Variants in PKNOX2 observed in about 807,000 individuals in gnomAD.
PKNOX2 encodes the protein PBX/knotted 1 homeobox 2.
A neutral mutation model predicts 53.1 loss-of-function variants in PKNOX2; 14 were observed. The ratio of observed to expected loss-of-function variants is 0.26; its 90% CI spans 0.17 to 0.41. The LOEUF (loss-of-function observed/expected upper bound fraction) is 0.41. Among genes scored for constraint, PKNOX2 ranks in the 10% least tolerant of loss-of-function variants. PKNOX2 has a pLI of 1.00. For missense variants in PKNOX2, 496 were observed against 602.8 expected (o/e 0.82, Z 1.85); for synonymous variants, 257 against 242.8 (o/e 1.06, Z -0.54).
chr11:125,191,629 G>A (rs1461969691), intron 1 of PKNOX2, among the ~76,000 whole-genome samples: 2 of 152,180 alleles, frequency 1.3e-5, no homozygotes, highest in African/African-American at 4.8e-5. Flanking sequence ...TCCACTGTTG[G>A]GAAGTTGTGG....
At chr11:125,417,125 C>T (rs1192210381) in intron 10 of PKNOX2, among the ~76,000 whole-genome samples, 4 of 152,034 alleles carry the variant, frequency 2.6e-5, no homozygotes, top group Non-Finnish European at 4.4e-5. Context: ...AGACTCAGGT[C>T]GGCCGAGAGC....
chr11:125,283,379 C>T (rs1946700261), intron 2 of PKNOX2, among the ~76,000 whole-genome samples: 1 of 152,166 alleles, frequency 6.6e-6, no homozygotes, highest in Non-Finnish European at 1.5e-5. Context: ...TCAGTGTGTT[C>T]CCTCTACCTG....
At chr11:125,283,420 T>C (rs901619793) in intron 2 of PKNOX2, among the ~76,000 whole-genome samples, 2 of 152,224 alleles carry the variant, frequency 1.3e-5, no homozygotes, top group African/African-American at 4.8e-5. Flanking sequence ...AGGAGCCAAG[T>C]TGAAGCTTCC....
chr11:125,229,286 C>A (rs956804971), intron 1 of PKNOX2, among the ~76,000 whole-genome samples: 1 of 152,178 alleles, frequency 6.6e-6, no homozygotes, highest in African/African-American at 2.4e-5. Flanking sequence ...TGGGGCAACA[C>A]CTGCCTTCTC....
chr11:125,368,910 T>G (rs927497082), intron 5 of PKNOX2, among the ~76,000 whole-genome samples: 4 of 152,180 alleles, frequency 2.6e-5, no homozygotes, highest in African/African-American at 9.7e-5. Context: ...TTGCTCATAT[T>G]CCCTTGTGGG....
intron 2 of PKNOX2, among the ~76,000 whole-genome samples, chr11:125,317,526 T>G (rs1383402151): frequency 6.6e-6 from 1 of 152,248 alleles, no homozygotes; most frequent in Non-Finnish European, 1.5e-5. Flanking sequence ...TAAAACTACA[T>G]TAATCTCCTT....
chr11:125,383,241 G>A (rs1308227919), intron 5 of PKNOX2, among the ~76,000 whole-genome samples: 1 of 152,172 alleles, frequency 6.6e-6, no homozygotes, highest in Non-Finnish European at 1.5e-5. Context: ...TACCATGTAA[G>A]CTAGATATTC....
At chr11:125,169,549 G>C (rs78223298) in intron 1 of PKNOX2, among the ~76,000 whole-genome samples, 5,705 of 152,248 alleles carry the variant, frequency 0.037, 124 homozygotes, top group South Asian at 0.075. Context: ...GGTCTCTTTT[G>C]ACTCTGTTAT....
intron 2 of PKNOX2, among the ~76,000 whole-genome samples, chr11:125,312,242 G>A (rs12805806): frequency 0.25 from 38,500 of 152,100 alleles, 6,688 homozygotes; most frequent in East Asian, 0.51. Flanking sequence ...TCGGGTCCCC[G>A]GATCTGTGCA....
At chr11:125,285,304 A>AC (rs1946828362) in intron 2 of PKNOX2, among the ~76,000 whole-genome samples, 1 of 152,066 alleles carries the variant, frequency 6.6e-6, no homozygotes, top group African/African-American at 2.4e-5. Flanking sequence ...GGGAAAACAC[A>AC]CCCCAGATTC....
At chr11:125,187,600 G>A (rs1489388042) in intron 1 of PKNOX2, among the ~76,000 whole-genome samples, 1 of 151,660 alleles carries the variant, frequency 6.6e-6, no homozygotes, top group Non-Finnish European at 1.5e-5. Context: ...TATATACAGG[G>A]TCATGTCATC....
intron 5 of PKNOX2, among the ~76,000 whole-genome samples, chr11:125,371,246 G>T (rs573304740): frequency 2.0e-5 from 3 of 152,128 alleles, no homozygotes; most frequent in African/African-American, 4.8e-5. Flanking sequence ...TGCACATCGC[G>T]GGTAATTGTG....
intron 2 of PKNOX2, among the ~76,000 whole-genome samples, chr11:125,300,508 G>A (rs1488199065): frequency 5.3e-5 from 8 of 152,152 alleles, no homozygotes; most frequent in African/African-American, 1.9e-4. Flanking sequence ...TGGTTCCCAA[G>A]CCCAGGCTCT....
Position 125,165,746 on chromosome 11 carries a change from T to G in PKNOX2, c.-201+970T>G, listed in dbSNP as rs1287645289. On this transcript the variant is annotated intron_variant, in intron 1 of 12. Coordinates refer to ENST00000298282, the MANE Select transcript of PKNOX2 (RefSeq NM_001382323.2). The surrounding 1 kb of genome is among the most constrained non-coding windows in gnomAD (Gnocchi z 4.5). Reference sequence around the variant, plus strand: ...GCGGGCGTAGGGGCCCGCGCGAGGCTTGGGAATCGGGAGCCCTTCTGGCTC... The same window carrying G: ...GCGGGCGTAGGGGCCCGCGCGAGGCGTGGGAATCGGGAGCCCTTCTGGCTC... Among the ~76,000 whole-genome samples the G allele has an allele frequency of 6.6e-6, 1 of 152,068 alleles. No individual in the cohort carries two copies.
At chr11:125,318,912 C>T (rs559455137) in intron 2 of PKNOX2, among the ~76,000 whole-genome samples, 61 of 152,264 alleles carry the variant, frequency 4.0e-4, no homozygotes, top group African/African-American at 1.3e-3. Context: ...TTATGTAAGA[C>T]GTGCCTTGCT....
At chr11:125,237,098 C>G (rs952661012) in intron 2 of PKNOX2, among the ~76,000 whole-genome samples, 1 of 152,210 alleles carries the variant, frequency 6.6e-6, no homozygotes, top group Admixed American at 6.5e-5. Context: ...CAAAGGCTTG[C>G]TCCCTCATCA....
rs566887537 is a variant in PKNOX2, at chr11:125,210,559, T to C, written c.-200-24486T>C. On this transcript the variant is annotated intron_variant, in intron 1 of 12. Transcript: ENST00000298282. The stretch of plus-strand genomic sequence containing the variant: ...GAAGATGTGAAGAAGGTGCTCCCTC[T>C]GAGAAAACTCCGTGGTCTTTGGTTC... Among the ~76,000 whole-genome samples the C allele has an allele frequency of 5.3e-5, 8 of 152,296 alleles. No individual in the cohort carries two copies. In the South Asian group the frequency reaches 1.7e-3, roughly 32 times the overall value.
intron 5 of PKNOX2, among the ~76,000 whole-genome samples, chr11:125,378,973 T>G (rs1030680962): frequency 3.3e-5 from 5 of 150,342 alleles, no homozygotes; most frequent in African/African-American, 1.2e-4. Context: ...AAGAAATGTT[T>G]GTTTTTTTTT....
At chr11:125,210,941 T>C (rs1001931462) in intron 1 of PKNOX2, among the ~76,000 whole-genome samples, 7 of 152,178 alleles carry the variant, frequency 4.6e-5, no homozygotes, top group African/African-American at 1.7e-4. Context: ...AGTTACTTTA[T>C]ATTTCTGGGC....
Sources: allele counts gnomAD v4.1 joint callset (sites outside exome capture counted in the v4.1 genomes callset), GRCh38; gene constraint gnomAD v4.1.1; non-coding constraint Gnocchi (gnomAD v3.1); transcripts MANE v1.5; gene names NCBI Gene and HGNC (gene_info 2026-07-23, HGNC 2026-07-21).